TSHZ3: variants seen among roughly 807,000 people sequenced by gnomAD.
TSHZ3 encodes the protein teashirt zinc finger homeobox 3.
A neutral mutation model predicts 64.5 loss-of-function variants in TSHZ3; 10 were observed. The ratio of observed to expected loss-of-function variants is 0.16; its 90% confidence interval spans 0.10 to 0.26. TSHZ3 has a LOEUF of 0.26. Among genes scored for constraint, TSHZ3 ranks in the 10% least tolerant of loss-of-function variants. The probability of loss-of-function intolerance (pLI) is 1.00; values close to 1 mark genes in which losing one functional copy is unlikely to be tolerated. For missense variants in TSHZ3, 1,242 were observed against 1,421.7 expected (o/e 0.87, Z 2.03); for synonymous variants, 608 against 593.1 (o/e 1.03, Z -0.36).
chr19:31,187,014 TTC>T, intron 5 of TSHZ3, among the ~76,000 whole-genome samples: 1 of 152,202 alleles, frequency 6.6e-6, no homozygotes, highest in East Asian at 1.9e-4. Context: ...ATATATTTTA[TTC>T]TTTTATTAAC....
chr19:31,169,590 T>C (rs149518926), intron 5 of TSHZ3, among the ~76,000 whole-genome samples: 1 of 152,262 alleles, frequency 6.6e-6, no homozygotes, highest in Non-Finnish European at 1.5e-5. Flanking sequence ...CACTGAGTTG[T>C]ACACTTAAAA....
At chr19:31,222,033 G>C (rs1452818230) in intron 4 of TSHZ3, among the ~76,000 whole-genome samples, 1 of 152,176 alleles carries the variant, frequency 6.6e-6, no homozygotes, top group African/African-American at 2.4e-5. Context: ...ACGTGGTTGA[G>C]TTTGCCTGGA....
rs1411038476 is a variant in TSHZ3 at position 31,279,935 on chromosome 19, A to C, written c.41-183T>G. On this transcript the variant is annotated intron_variant, in intron 1 of 1. Coordinates refer to ENST00000240587, the MANE Select transcript of TSHZ3 (RefSeq NM_020856.4). The surrounding 1 kb of genome is among the most constrained non-coding windows in gnomAD (Gnocchi z 6.4). ...GTATTTGTAAAATTAAACAGTTAAA[A>C]TGTGGTGTTTCTTTGGAGCAAAAAA... Among the ~76,000 whole-genome samples, 1 of 145,684 alleles carries C rather than the reference A, an allele frequency of 6.9e-6. No homozygotes were observed. The highest frequency in any genetic ancestry group is 1.5e-5 in the Non-Finnish European group (1 of 66,968).
chr19:31,173,986 T>G (rs958612712), intron 5 of TSHZ3, among the ~76,000 whole-genome samples: 1 of 152,192 alleles, frequency 6.6e-6, no homozygotes, highest in African/African-American at 2.4e-5. Context: ...GAGAATCACT[T>G]GAACCCAGGA....
At chr19:31,302,681 AAC>A (rs1976774660) in intron 1 of TSHZ3, among the ~76,000 whole-genome samples, 1 of 152,200 alleles carries the variant, frequency 6.6e-6, no homozygotes, top group Non-Finnish European at 1.5e-5. Flanking sequence ...TCTATATATA[AAC>A]ACACACATAT....
intron 1 of TSHZ3, among the ~76,000 whole-genome samples, chr19:31,250,656 T>A (rs1448596498): frequency 1.3e-5 from 2 of 152,240 alleles, no homozygotes; most frequent in African/African-American, 4.8e-5. Context: ...AGACAGGCTA[T>A]TGAATCATGG....
chr19:31,317,109 ATTCTC>A (rs1234506913), intron 1 of TSHZ3, among the ~76,000 whole-genome samples: 2 of 152,062 alleles, frequency 1.3e-5, no homozygotes, highest in Non-Finnish European at 2.9e-5. Context: ...CAGGGACAAA[ATTCTC>A]TTCTCCAGGA....
rs573639866 is a variant in TSHZ3, at chr19:31,227,184, T to G, written n.686+821A>C. Among the ~76,000 whole-genome samples, 13 of 152,026 alleles carry G rather than the reference T, an allele frequency of 8.6e-5. No individual in the cohort carries two copies. The South Asian group carries it at 2.5e-3, about 29-fold the overall frequency. On this transcript the variant is annotated intron_variant and non_coding_transcript_variant, in intron 4 of 6. Coordinates refer to the TSHZ3 transcript ENST00000651361. The stretch of plus-strand genomic sequence containing the variant: ...TAGTAGATATGGGGTTTCACTATGT[T>G]GCCCAGGCTGGTCTCGAACCCCTGA...
At chr19:31,153,159 G>A (rs926413230) in intron 6 of TSHZ3, among the ~76,000 whole-genome samples, 1 of 152,122 alleles carries the variant, frequency 6.6e-6, no homozygotes, top group African/African-American at 2.4e-5. Flanking sequence ...ACGGTTGGGT[G>A]TTGCATAAAG....
intron 5 of TSHZ3, among the ~76,000 whole-genome samples, chr19:31,194,245 C>T (rs773636725): frequency 5.7e-4 from 87 of 152,228 alleles, no homozygotes; most frequent in Middle Eastern, 3.4e-3. Context: ...AGTTTTACCC[C>T]CTGGAGCTGG....
chr19:31,163,035 A>G (rs567062693), intron 5 of TSHZ3, among the ~76,000 whole-genome samples: 1 of 152,352 alleles, frequency 6.6e-6, no homozygotes, highest in Admixed American at 6.5e-5. Flanking sequence ...AGGAGCTGCA[A>G]TTGACACCCA....
chr19:31,181,713 G>A (rs1974718181), intron 5 of TSHZ3, among the ~76,000 whole-genome samples: 1 of 152,224 alleles, frequency 6.6e-6, no homozygotes, highest in East Asian at 1.9e-4. Context: ...AATGCAATGA[G>A]GAAGTGAAGG....
chr19:31,163,372 T>C (rs756624137), intron 5 of TSHZ3, among the ~76,000 whole-genome samples: 1 of 152,146 alleles, frequency 6.6e-6, no homozygotes, highest in Non-Finnish European at 1.5e-5. Context: ...ATTTATTCTG[T>C]AGTGGAGAAT....
intron 1 of TSHZ3, among the ~76,000 whole-genome samples, chr19:31,299,032 T>C (rs527692602): frequency 1.2e-3 from 181 of 152,228 alleles, no homozygotes; most frequent in South Asian, 6.4e-3. Flanking sequence ...CTGTCTCTAC[T>C]AAAGGTACGA....
chr19:31,324,129 C>G (rs577851310), intron 1 of TSHZ3, among the ~76,000 whole-genome samples: 1 of 152,340 alleles, frequency 6.6e-6, no homozygotes, highest in South Asian at 2.1e-4. Flanking sequence ...GCTGTGCACA[C>G]TGGGCCAGCC....
intron 1 of TSHZ3, among the ~76,000 whole-genome samples, chr19:31,289,692 G>A (rs10417468): frequency 0.029 from 4,348 of 152,128 alleles, 220 homozygotes; most frequent in African/African-American, 0.1. Flanking sequence ...GTTCTGGCTG[G>A]GGCGGCACCT....
chr19:31,216,575 G>C (rs1362388715), intron 4 of TSHZ3, among the ~76,000 whole-genome samples: 3 of 150,928 alleles, frequency 2.0e-5, no homozygotes, highest in Non-Finnish European at 3.0e-5. Flanking sequence ...CAGCCTCCCG[G>C]GTAGCTGGGA....
intron 5 of TSHZ3, among the ~76,000 whole-genome samples, chr19:31,202,066 T>C (rs538150487): frequency 1.8e-4 from 28 of 152,170 alleles, no homozygotes; most frequent in African/African-American, 6.7e-4. Flanking sequence ...CTCGGGAGAC[T>C]GAGGCAGGAG....
intron 4 of TSHZ3, among the ~76,000 whole-genome samples, chr19:31,210,931 CA>C (rs1167003577): frequency 4.6e-5 from 7 of 152,096 alleles, no homozygotes; most frequent in African/African-American, 1.7e-4. Context: ...CAGATTTTAG[CA>C]ATGTTTAATT....
Sources: gnomAD v4.1 joint callset for allele counts (sites outside exome capture counted in the v4.1 genomes callset) on GRCh38, gnomAD v4.1.1 for gene constraint, Gnocchi (gnomAD v3.1) non-coding constraint, MANE v1.5 for transcripts, NCBI Gene and HGNC (gene_info 2026-07-23, HGNC 2026-07-21) for gene names.